Variants in TTC39C observed in about 807,000 individuals in gnomAD.
The protein encoded by TTC39C is tetratricopeptide repeat protein 39C.
Under a neutral mutation model 76.3 loss-of-function variants are expected in TTC39C, and 33 were observed. The ratio of observed to expected loss-of-function variants is 0.43; its 90% CI spans 0.33 to 0.58. The LOEUF is 0.58. Among genes scored for constraint, TTC39C ranks in the 20% least tolerant of loss-of-function variants. The pLI is 0.04. For synonymous variants in TTC39C, 254 were observed against 260.6 expected (o/e 0.97, Z 0.24); for missense variants, 595 against 701.4 (o/e 0.85, Z 1.71).
At chr18:24,015,115 C>T (rs1356003956) in intron 1 of TTC39C, 77 bp downstream of exon 1, 2 of 1,285,656 alleles carry the variant, frequency 1.6e-6, no homozygotes, top group East Asian at 3.1e-5. Context: ...ACCTGCGGCC[C>T]CCGGGAGCCC....
chr18:24,010,919 G>A (rs113974532), upstream of TTC39C, among the ~76,000 whole-genome samples: 4,570 of 152,200 alleles, frequency 0.03, 214 homozygotes, highest in African/African-American at 0.1. Flanking sequence ...GTGGTGACAT[G>A]TGCCTGTAGT....
In TTC39C at chr18:24,130,421, A is replaced by G. The variant is rs760129416; in HGVS notation, c.1623+4A>G. 3.8e-6 allele frequency: 5 copies of G among 1,329,686 alleles called. No homozygotes were observed. The Admixed American group carries it at 1.2e-4, about 32-fold the overall frequency. 82.4% of individuals were successfully genotyped at this position (1,329,686 alleles called of 1,614,324 possible). A position where few individuals can be genotyped will look rare whatever the true frequency, so the allele number is the denominator to read the frequency against. On this transcript the variant is annotated splice_donor_region_variant and intron_variant, in intron 12 of 13. Coordinates refer to ENST00000317571, the MANE Select transcript of TTC39C (RefSeq NM_001135993.2). Reference sequence around the variant, plus strand: ...TCTTCTATTAGACAAACCAGAGGTAAGATCTTATATATATAATATAATATA... The same window carrying G: ...TCTTCTATTAGACAAACCAGAGGTAGGATCTTATATATATAATATAATATA...
chr18:24,053,168 A>T (rs531793824), intron 1 of TTC39C, among the ~76,000 whole-genome samples: 1 of 152,228 alleles, frequency 6.6e-6, no homozygotes, highest in African/African-American at 2.4e-5. Flanking sequence ...AATATGAATC[A>T]TGTCAAGAAA....
chr18:24,019,950 G>C, intron 1 of TTC39C: 1 of 1,506,244 alleles, frequency 6.6e-7, no homozygotes, highest in Non-Finnish European at 8.8e-7. Context: ...AGGCCTCTGA[G>C]CCTCTTCTCT....
intron 6 of TTC39C, among the ~76,000 whole-genome samples, chr18:24,092,142 C>T (rs963212758): frequency 1.1e-4 from 11 of 96,148 alleles, no homozygotes; most frequent in African/African-American, 3.4e-4. Context: ...TAATAGACAA[C>T]GGATCTGAAG....
At chr18:24,103,871 G>A (rs1325095218) in intron 6 of TTC39C, among the ~76,000 whole-genome samples, 1 of 151,366 alleles carries the variant, frequency 6.6e-6, no homozygotes, top group Non-Finnish European at 1.5e-5. Context: ...TCATGTCTCT[G>A]TACAAAACCC....
At chr18:24,132,065 T>A in intron 13 of TTC39C, 145 bp downstream of exon 13, 2 of 684,388 alleles carry the variant, frequency 2.9e-6, no homozygotes, top group African/African-American at 1.8e-5. Context: ...ATTGAATCAG[T>A]GAGCTCTTGA....
intron 6 of TTC39C, among the ~76,000 whole-genome samples, chr18:24,112,967 T>C (rs1329920469): frequency 1.3e-5 from 2 of 152,208 alleles, no homozygotes; most frequent in Non-Finnish European, 2.9e-5. Context: ...TTTTTTTTTT[T>C]TAACCTTGGT....
At chr18:24,100,428 C>T in intron 6 of TTC39C, among the ~76,000 whole-genome samples, 1 of 152,216 alleles carries the variant, frequency 6.6e-6, no homozygotes, top group Non-Finnish European at 1.5e-5. Flanking sequence ...TGCTTCCCTC[C>T]TCAGTGAGAT....
At chr18:24,062,959 C>T (rs2084117573) in intron 1 of TTC39C, among the ~76,000 whole-genome samples, 1 of 152,220 alleles carries the variant, frequency 6.6e-6, no homozygotes, top group African/African-American at 2.4e-5. Flanking sequence ...TGTGCACCTT[C>T]TCTTTCCCGT....
At chr18:24,026,915 T>C (rs900514067) in intron 1 of TTC39C, among the ~76,000 whole-genome samples, 3 of 152,226 alleles carry the variant, frequency 2.0e-5, no homozygotes, top group Admixed American at 1.3e-4. Flanking sequence ...TCTTTGGTAC[T>C]ATTCTAACAG....
chr18:24,015,160 C>T, intron 1 of TTC39C, 122 bp downstream of exon 1: 1 of 875,072 alleles, frequency 1.1e-6, no homozygotes, highest in Non-Finnish European at 1.6e-6. Flanking sequence ...TTCCGGTCCT[C>T]AGGTCTCCTC....
intron 1 of TTC39C, chr18:24,022,568 T>C (rs1452827782): frequency 1.0e-6 from 1 of 985,296 alleles, no homozygotes; most frequent in Non-Finnish European, 1.2e-6. Flanking sequence ...GATTCACATG[T>C]GTCCTGTCAA....
chr18:24,021,259 T>C (rs899200598), intron 1 of TTC39C, among the ~76,000 whole-genome samples: 1 of 152,162 alleles, frequency 6.6e-6, no homozygotes, highest in African/African-American at 2.4e-5. Context: ...AGGGAAGAAC[T>C]GGTCCCTGTC....
At chr18:23,993,469 AC>A in intron 1 of TTC39C, among the ~76,000 whole-genome samples, 1 of 152,286 alleles carries the variant, frequency 6.6e-6, no homozygotes, top group Admixed American at 6.5e-5. Context: ...AAGTACACGG[AC>A]CCCTTTTCAT....
At chr18:24,089,598 C>T (rs35393606) in intron 6 of TTC39C, among the ~76,000 whole-genome samples, 20,693 of 152,058 alleles carry the variant, frequency 0.14, 1,937 homozygotes, top group African/African-American at 0.27. Context: ...GTTAGTAACC[C>T]CACTACACTT....
intron 6 of TTC39C, among the ~76,000 whole-genome samples, chr18:24,091,605 CAAAAG>C (rs1294239131): frequency 6.6e-6 from 1 of 152,016 alleles, no homozygotes; most frequent in Non-Finnish European, 1.5e-5. Flanking sequence ...AGCACAATGA[CAAAAG>C]AATAAATAAA....
Position 24,131,905 on chromosome 18 carries a change from A to G in TTC39C, c.1647A>G (p.Leu549=). ...AGACTGTAGGAAGAGGCAGAGCTCT[A>G]CTTCTTCAAGCAAAGGTAAATATCC... ...KPETVGRGRA[L]LLQAKEDFSG... Residue 549 remains leucine, a synonymous_variant, in exon 13 of 14, where the codon CTA becomes CTG. Coordinates refer to ENST00000317571, the MANE Select transcript of TTC39C (RefSeq NM_001135993.2). 1 of 1,613,336 alleles carries G rather than the reference A, an allele frequency of 6.2e-7. No individual in the cohort carries two copies.
chr18:24,022,594 A>C, intron 1 of TTC39C: 1 of 985,384 alleles, frequency 1.0e-6, no homozygotes, highest in Non-Finnish European at 1.2e-6. Context: ...TTTTGGGGCA[A>C]GTTCCTTCAG....
Sources: allele counts gnomAD v4.1 joint callset (sites outside exome capture counted in the v4.1 genomes callset), GRCh38; gene constraint gnomAD v4.1.1; transcripts MANE v1.5; gene names NCBI Gene and HGNC (gene_info 2026-07-23, HGNC 2026-07-21).